Variants in EXOSC5 observed in about 807,000 individuals in gnomAD.
EXOSC5 encodes the protein exosome component 5.
EXOSC5 carries 15 observed loss-of-function variants against 23.7 expected under a neutral mutation model. The observed-to-expected ratio is 0.63, with a 90% CI of 0.42 to 0.97. The LOEUF (loss-of-function observed/expected upper bound fraction) is 0.97. Among genes scored for constraint, EXOSC5 ranks in the 50% least tolerant of loss-of-function variants. The pLI, the probability that EXOSC5 is intolerant of heterozygous loss-of-function variation, is 0.00. For synonymous variants in EXOSC5, 143 were observed against 140.9 expected, an observed-to-expected ratio of 1.02 and a Z score of -0.11; for missense variants, 305 against 316.3, an observed-to-expected ratio of 0.96 and a Z score of 0.27.
At chr19:41,396,287 G>A (rs2039062910) in intron 1 of EXOSC5, among the ~76,000 whole-genome samples, 1 of 151,744 alleles carries the variant, frequency 6.6e-6, no homozygotes, top group East Asian at 1.9e-4. Context: ...TCGGCCCACT[G>A]CAACTTCTGC....
chr19:41,389,554 C>T (rs941416008), intron 4 of EXOSC5, among the ~76,000 whole-genome samples: 12 of 152,228 alleles, frequency 7.9e-5, no homozygotes, highest in African/African-American at 2.7e-4. Flanking sequence ...CGTGAGCCAC[C>T]GCTCCCGGCC....
At position 41,391,855 on chromosome 19, in the gene EXOSC5, T is replaced by C; in HGVS notation, c.370A>G (p.Ser124Gly). ...AGAAAGGATACAGAGCCGGCATCGC[T>C]GACAACCTGCAGCACCACGGTGATG... ...TSITVVLQVVSDAGSLLACCL... is the reference protein window; with the variant it reads ...TSITVVLQVVGDAGSLLACCL... Residue 124 changes from serine to glycine, a missense_variant, in exon 3 of 6, where the codon AGC becomes GGC. Transcript: ENST00000221233. 6.6e-7 allele frequency: 1 copy of C among 1,526,394 alleles called. No individual in the cohort carries two copies. The highest frequency in any genetic ancestry group is 8.7e-7 in the Non-Finnish European group (1 of 1,145,502). The allele number at this position is 1,526,394 out of a possible 1,614,324, so 94.6% of individuals were successfully genotyped here.
intron 5 of EXOSC5, among the ~76,000 whole-genome samples, chr19:41,387,068 C>T (rs2038990080): frequency 6.6e-6 from 1 of 152,144 alleles, no homozygotes; most frequent in South Asian, 2.1e-4. Flanking sequence ...TTTACAGCCA[C>T]AGTCCCCTTC....
rs1325740666 is a variant in EXOSC5, at chr19:41,391,947, C to T, written c.278G>A (p.Ser93Asn). Residue 93 changes from serine to asparagine, a missense_variant, in exon 3 of 6, where the codon AGC becomes AAC. Coordinates refer to ENST00000221233, the MANE Select transcript of EXOSC5 (RefSeq NM_020158.4). ...CGTGTTCCTGATCAGCCGCTCCCGG[C>T]TCTTCTCTGCAACACCTGGGGAAAT... ...KIGLPGVAEK[S>N]RERLIRNTCE... The T allele has an allele frequency of 6.3e-7, 1 of 1,583,674 alleles. No homozygotes were observed. Among genetic ancestry groups the T allele is most frequent in the Non-Finnish European group, 8.6e-7 (1 of 1,168,272 alleles).
At position 41,393,664 on chromosome 19, in the gene EXOSC5, G is replaced by GT. The variant is rs1357264251; in HGVS notation, c.149-685dup. Among the ~76,000 whole-genome samples, 7 of 151,862 alleles carry GT rather than the reference G, an allele frequency of 4.6e-5. No individual in the cohort carries two copies. The Middle Eastern group carries it at 0.014, about 295-fold the overall frequency. On this transcript the variant is annotated intron_variant, in intron 1 of 5. Coordinates refer to ENST00000221233, the MANE Select transcript of EXOSC5 (RefSeq NM_020158.4). ...AACCTCTGCCTCCCGGGTTCAAGCAGTTCTCCTGCCTCAGCCTACTGAGTA... is the reference window on the plus strand; with the variant it reads ...AACCTCTGCCTCCCGGGTTCAAGCAGTTTCTCCTGCCTCAGCCTACTGAGTA...
intron 1 of EXOSC5, among the ~76,000 whole-genome samples, chr19:41,396,617 C>CTT (rs60285872): frequency 2.4e-4 from 31 of 130,174 alleles, no homozygotes; most frequent in African/African-American, 6.8e-4. Flanking sequence ...TTGCCCTAAT[C>CTT]TTTTTTTTTT....
At chr19:41,392,415 C>G (rs2039029917) in intron 2 of EXOSC5, among the ~76,000 whole-genome samples, 1 of 151,994 alleles carries the variant, frequency 6.6e-6, no homozygotes, top group Admixed American at 6.6e-5. Flanking sequence ...AACCCCATCT[C>G]TACTAAAAAA....
At chr19:41,387,792 GAAAAA>G (rs58638587) in intron 4 of EXOSC5, among the ~76,000 whole-genome samples, 189 bp from the exon 5 acceptor site, 1 of 116,374 alleles carries the variant, frequency 8.6e-6, no homozygotes, top group African/African-American at 3.3e-5. Flanking sequence ...CCCCATCTCA[GAAAAA>G]AAAAAAAAAA....
Position 41,392,774 on chromosome 19 carries a change from G to A in EXOSC5, c.262+93C>T. ...AACAGCTGAGTGGAGACCCAAGCGGGGAGTGGAGACTCGGGGCAGCTGGTA... is the reference window on the plus strand; with the variant it reads ...AACAGCTGAGTGGAGACCCAAGCGGAGAGTGGAGACTCGGGGCAGCTGGTA... On this transcript the variant is annotated intron_variant, in intron 2 of 5. Transcript: ENST00000221233. 5.8e-6 allele frequency: 6 copies of A among 1,041,968 alleles called. No homozygotes were observed. The East Asian group carries it at 7.4e-5, about 13-fold the overall frequency. The allele number at this position is 1,041,968 out of a possible 1,614,324, so 64.5% of individuals were successfully genotyped here.
In EXOSC5 at chr19:41,386,544, G is replaced by C. The variant is rs973346311; in HGVS notation, c.*89C>G. On this transcript the variant is annotated 3_prime_UTR_variant, in exon 6 of 6. Transcript: ENST00000221233. ...GCAGGCTCAAGGAGCCCATGGGTCA[G>C]AGAGGCAAGGCTGGGCTGCTGGTTT... The C allele has an allele frequency of 7.5e-6, 10 of 1,334,122 alleles. No homozygotes were observed. In the African/African-American group the frequency reaches 1.5e-4, roughly 19 times the overall value. The allele number at this position is 1,334,122 out of a possible 1,614,324, so 82.6% of individuals were successfully genotyped here.
chr19:41,392,626 G>A (rs2039031732), intron 2 of EXOSC5, among the ~76,000 whole-genome samples: 1 of 151,674 alleles, frequency 6.6e-6, no homozygotes, highest in Non-Finnish European at 1.5e-5. Flanking sequence ...AAGAAAAACA[G>A]GTTAATGGAA....
chr19:41,389,311 G>A (rs922585857), intron 4 of EXOSC5, among the ~76,000 whole-genome samples: 2 of 151,722 alleles, frequency 1.3e-5, no homozygotes, highest in East Asian at 1.9e-4. Flanking sequence ...TATTGCCCAG[G>A]CTGGAGTGCA....
intron 4 of EXOSC5, among the ~76,000 whole-genome samples, chr19:41,387,828 G>C (rs1464971763): frequency 6.6e-6 from 1 of 151,980 alleles, no homozygotes; most frequent in Non-Finnish European, 1.5e-5. Context: ...GGGTGTGGGG[G>C]TGCATGTCTG....
At chr19:41,392,669 AGAGG>A (rs1463094275) in intron 2 of EXOSC5, among the ~76,000 whole-genome samples, 194 bp downstream of exon 2, 1 of 152,084 alleles carries the variant, frequency 6.6e-6, no homozygotes, top group Non-Finnish European at 1.5e-5. Context: ...GAGGGAGAAA[AGAGG>A]GAGGGAGAAA....
chr19:41,387,728 C>T lies in EXOSC5; in HGVS notation c.526-125G>A, dbSNP rs1232451706. On this transcript the variant is annotated intron_variant, in intron 4 of 5. Transcript: ENST00000221233. ...ATCTCACCACTTTGGGAGGCCAAGG[C>T]AGGGCACTGCTTGAGGCCAGAAACT... 6.0e-6 allele frequency: 3 copies of T among 495,966 alleles called. 1 individual carries two copies. Among genetic ancestry groups the T allele is most frequent in the Middle Eastern group, 1.1e-3 (2 of 1,760 alleles). 30.7% of individuals were successfully genotyped at this position (495,966 alleles called of 1,614,324 possible). A position where few individuals can be genotyped will look rare whatever the true frequency, so the allele number is the denominator to read the frequency against.
At chr19:41,393,463 C>T (rs539724778) in intron 1 of EXOSC5, among the ~76,000 whole-genome samples, 40 of 152,186 alleles carry the variant, frequency 2.6e-4, no homozygotes, top group African/African-American at 9.2e-4. Flanking sequence ...GGGGATTTTG[C>T]CATGTTGCTC....
chr19:41,389,622 A>G (rs2039008092), intron 4 of EXOSC5, 143 bp downstream of exon 4: 2 of 1,249,322 alleles, frequency 1.6e-6, no homozygotes, highest in Admixed American at 5.2e-5. Context: ...TTGCTGCTAA[A>G]TGAACCATGA....
intron 1 of EXOSC5, among the ~76,000 whole-genome samples, chr19:41,393,505 T>C (rs1352671355): frequency 6.6e-6 from 1 of 151,254 alleles, no homozygotes; most frequent in East Asian, 1.9e-4. Flanking sequence ...GCAACTGTAA[T>C]CCCAAGGTGC....
intron 1 of EXOSC5, 83 bp downstream of exon 1, chr19:41,397,098 C>CT: frequency 6.8e-7 from 1 of 1,476,500 alleles, no homozygotes. Flanking sequence ...CATTTACCAG[C>CT]TGGTATCGTG....
Sources: allele counts gnomAD v4.1 joint callset (sites outside exome capture counted in the v4.1 genomes callset), GRCh38; gene constraint gnomAD v4.1.1; transcripts MANE v1.5; gene names NCBI Gene and HGNC (gene_info 2026-07-23, HGNC 2026-07-21).